Variants in PTGR1 observed in about 807,000 individuals in gnomAD.
PTGR1 encodes 15-oxoprostaglandin 13-reductase.
In PTGR1, 23 loss-of-function variants were observed where a neutral mutation model predicts 37.7. The ratio of observed to expected loss-of-function variants is 0.61; its 90% CI spans 0.44 to 0.86. The LOEUF (loss-of-function observed/expected upper bound fraction) is 0.86. Among genes scored for constraint, PTGR1 ranks in the 40% least tolerant of loss-of-function variants. The probability of loss-of-function intolerance (pLI) is 0.00; values close to 1 mark genes in which losing one functional copy is unlikely to be tolerated. For synonymous variants in PTGR1, 134 were observed against 140.0 expected, an observed-to-expected ratio of 0.96 and a Z score of 0.30; for missense variants, 351 against 394.3, an observed-to-expected ratio of 0.89 and a Z score of 0.93.
At chr9:111,569,958 A>C in intron 9 of PTGR1, 133 bp downstream of exon 9, 1 of 1,400,282 alleles carries the variant, frequency 7.1e-7, no homozygotes, top group Non-Finnish European at 9.8e-7. Context: ...TTATACTCTA[A>C]GCACAATGAC....
At chr9:111,583,126 G>A (rs570449995) in intron 6 of PTGR1, among the ~76,000 whole-genome samples, 2 of 152,340 alleles carry the variant, frequency 1.3e-5, no homozygotes, top group Admixed American at 1.3e-4. Flanking sequence ...CTCTTAGCTG[G>A]CTCATCTCAA....
At chr9:111,562,333 T>C (rs373389058), downstream of PTGR1, among the ~76,000 whole-genome samples, 29 of 151,338 alleles carry the variant, frequency 1.9e-4, no homozygotes, top group Admixed American at 7.3e-4. Flanking sequence ...TGGAGTACAG[T>C]GGCGCAATCT....
intron 9 of PTGR1, among the ~76,000 whole-genome samples, chr9:111,557,446 T>A (rs1451615900): frequency 6.9e-6 from 1 of 145,370 alleles, no homozygotes; most frequent in Non-Finnish European, 1.5e-5. Context: ...TCATTATCTT[T>A]TTTTTGCTTT....
intron 8 of PTGR1, among the ~76,000 whole-genome samples, chr9:111,573,051 A>G (rs1456007446): frequency 1.3e-5 from 2 of 152,170 alleles, no homozygotes; most frequent in Non-Finnish European, 2.9e-5. Context: ...GCAGAATTCC[A>G]TCTGATTAAA....
At chr9:111,565,783 C>T (rs887596986) in intron 9 of PTGR1, among the ~76,000 whole-genome samples, 1 of 152,126 alleles carries the variant, frequency 6.6e-6, no homozygotes, top group Admixed American at 6.6e-5. Context: ...CCTCACCCTC[C>T]TAAAGTGCTG....
At chr9:111,566,164 CT>C (rs1468031396) in intron 9 of PTGR1, among the ~76,000 whole-genome samples, 4 of 152,104 alleles carry the variant, frequency 2.6e-5, no homozygotes, top group Non-Finnish European at 5.9e-5. Flanking sequence ...GATCGCGCCA[CT>C]GCACTCCAGC....
chr9:111,581,543 A>G (rs866807085), intron 6 of PTGR1, among the ~76,000 whole-genome samples: 2 of 152,218 alleles, frequency 1.3e-5, no homozygotes, highest in Middle Eastern at 3.2e-3. Context: ...AGAGAATCAG[A>G]TTGGCTTTGA....
intron 4 of PTGR1, among the ~76,000 whole-genome samples, chr9:111,587,484 C>T (rs112673389): frequency 9.2e-5 from 14 of 152,230 alleles, no homozygotes; most frequent in Admixed American, 3.9e-4. Context: ...AACAGAGTCT[C>T]GCTCTGTTGC....
chr9:111,570,288 A>T, intron 8 of PTGR1, 79 bp from the exon 9 acceptor site: 2 of 1,516,682 alleles, frequency 1.3e-6, no homozygotes, highest in Non-Finnish European at 1.8e-6. Context: ...GGTCACTGTC[A>T]CTGTGCTTGG....
intron 9 of PTGR1, among the ~76,000 whole-genome samples, chr9:111,552,494 C>G (rs555127712): frequency 4.1e-4 from 63 of 152,258 alleles, no homozygotes; most frequent in South Asian, 1.5e-3. Flanking sequence ...CATGGATGGT[C>G]TTTTGACTTA....
At chr9:111,589,119 T>C (rs1829528717) in intron 4 of PTGR1, 1 of 152,490 alleles carries the variant, frequency 6.6e-6, no homozygotes, top group Non-Finnish European at 1.5e-5. Context: ...TCTCCATTAC[T>C]ATTATATTTT....
downstream of PTGR1, among the ~76,000 whole-genome samples, chr9:111,559,253 C>A (rs115433209): frequency 0.011 from 1,673 of 152,240 alleles, 23 homozygotes; most frequent in African/African-American, 0.038. Context: ...CACCCCTTCA[C>A]GTGCACACCT....
chr9:111,594,271 C>A lies in PTGR1; in HGVS notation c.107-4G>T, dbSNP rs1205923143. ...AACAAAGCTTCAAGCAGGACCTCTA[C>A]AAAATAAAGCATTCCATAGGCAATT... On this transcript the variant is annotated splice_polypyrimidine_tract_variant and splice_region_variant and intron_variant, in intron 2 of 9. Transcript: ENST00000407693. 1 of 1,612,572 alleles carries A rather than the reference C, an allele frequency of 6.2e-7. No individual in the cohort carries two copies. The highest frequency in any genetic ancestry group is 8.5e-7 in the Non-Finnish European group (1 of 1,178,810).
Position 111,590,707 on chromosome 9 carries a change from A to C in PTGR1, c.209+2219T>G, listed in dbSNP as rs144647927. On this transcript the variant is annotated intron_variant, in intron 4 of 9. Coordinates refer to ENST00000407693, the MANE Select transcript of PTGR1 (RefSeq NM_001146108.2). ...AATTTGTCATCACCTTTTCAGTTAA[A>C]AATATACATTTCTTTGGGTCTAGAA... Among the ~76,000 whole-genome samples the C allele has an allele frequency of 5.8e-3, 886 of 152,282 alleles. 3 individuals are homozygous for C. Among genetic ancestry groups the C allele is most frequent in the African/African-American group, 0.02 (845 of 41,552 alleles).
chr9:111,576,235 T>A, intron 7 of PTGR1: 9 of 839,968 alleles, frequency 1.1e-5, no homozygotes, highest in East Asian at 2.7e-5. Context: ...TAGGAAAAAA[T>A]ATTTGCAAGC....
intron 5 of PTGR1, among the ~76,000 whole-genome samples, chr9:111,584,203 G>A (rs750992157): frequency 3.9e-5 from 6 of 152,184 alleles, no homozygotes; most frequent in African/African-American, 9.7e-5. Context: ...AGACACCACC[G>A]CATCTCATTG....
intron 8 of PTGR1, among the ~76,000 whole-genome samples, chr9:111,570,835 A>C (rs1828787030): frequency 6.6e-6 from 1 of 152,146 alleles, no homozygotes. Context: ...TCCACTATAA[A>C]GATGGACCCA....
intron 4 of PTGR1, among the ~76,000 whole-genome samples, chr9:111,589,540 A>T (rs1341356229): frequency 6.6e-6 from 1 of 152,134 alleles, no homozygotes; most frequent in Non-Finnish European, 1.5e-5. Context: ...TACAGGCGTG[A>T]GCCACTGAAG....
In PTGR1 at chr9:111,578,781, C is replaced by A. The variant is rs1829168775; in HGVS notation, c.651+15G>T. On this transcript the variant is annotated intron_variant, in intron 7 of 9. Coordinates refer to ENST00000407693, the MANE Select transcript of PTGR1 (RefSeq NM_001146108.2). ...TTCCATAATAAATTAGATATTAAGT[C>A]CAGTTTGTACTTACATTATCAAAAT... 1 of 1,587,722 alleles carries A rather than the reference C, an allele frequency of 6.3e-7. No individual in the cohort carries two copies.
Sources: allele counts gnomAD v4.1 joint callset (sites outside exome capture counted in the v4.1 genomes callset), GRCh38; gene constraint gnomAD v4.1.1; transcripts MANE v1.5; gene names NCBI Gene and HGNC (gene_info 2026-07-23, HGNC 2026-07-21).